Variants in CLU observed in about 807,000 individuals in gnomAD.
CLU encodes the protein clusterin.
Under a neutral mutation model 46.4 loss-of-function variants are expected in CLU, and 25 were observed. That is an observed-to-expected ratio of 0.54 (90% confidence interval 0.39 to 0.75). CLU has a LOEUF of 0.75. CLU is among the 30% of genes least tolerant of loss of function. CLU has a pLI of 0.00. For missense variants in CLU, 504 were observed against 592.1 expected (o/e 0.85, Z 1.54); for synonymous variants, 235 against 235.1 (o/e 1.00, Z 0.00).
rs1027958515 is a variant in CLU, at chr8:27,599,236, G to A, written c.1164+544C>T. 1.2e-5 allele frequency: 2 copies of A among 163,518 alleles called. No homozygotes were observed. Among genetic ancestry groups the A allele is most frequent in the Admixed American group, 1.2e-4 (2 of 17,230 alleles). 10.1% of individuals were successfully genotyped at this position (163,518 alleles called of 1,614,324 possible). A position where few individuals can be genotyped will look rare whatever the true frequency, so the allele number is the denominator to read the frequency against. On this transcript the variant is annotated intron_variant, in intron 7 of 8. Transcript: ENST00000316403. The surrounding 1 kb of genome is among the most constrained non-coding windows in gnomAD (Gnocchi z 4.0). ...CTGATTTTTGTATTTTTTGTAGAGA[G>A]GGAATCTTGCTGTGTTGCCCAGGCT...
rs763401806 is a variant in CLU at position 27,606,334 on chromosome 8, C to A, written c.417+20G>T. Reference sequence around the variant, plus strand: ...CCTTCCCCACTCAGAGCCTTGGCCACTCATGTGTCCCCTTTTCACCTGGCG... The same window carrying A: ...CCTTCCCCACTCAGAGCCTTGGCCAATCATGTGTCCCCTTTTCACCTGGCG... On this transcript the variant is annotated intron_variant, in intron 4 of 8. Transcript: ENST00000316403. 6.2e-7 allele frequency: 1 copy of A among 1,613,552 alleles called. No individual in the cohort carries two copies. Among genetic ancestry groups the A allele is most frequent in the Non-Finnish European group, 8.5e-7 (1 of 1,179,964 alleles).
In CLU at chr8:27,614,697, C is replaced by A. The variant is rs1471845484; in HGVS notation, c.-72G>T. 1.9e-6 allele frequency: 1 copy of A among 533,412 alleles called. No individual in the cohort carries two copies. Among genetic ancestry groups the A allele is most frequent in the South Asian group, 1.4e-5 (1 of 71,486 alleles). 33.0% of individuals were successfully genotyped at this position (533,412 alleles called of 1,614,324 possible). A position where few individuals can be genotyped will look rare whatever the true frequency, so the allele number is the denominator to read the frequency against. On this transcript the variant is annotated 5_prime_UTR_variant, in exon 1 of 9. Coordinates refer to ENST00000316403, the MANE Select transcript of CLU (RefSeq NM_001831.4). ...TGCCCGCGCGCTCCTCCTGGCGACG[C>A]CGCGTTGTGGGCACTGGGAGGCGCC...
chr8:27,608,640 T>C (rs1532276), intron 3 of CLU: 328,004 of 542,026 alleles, frequency 0.61, 100,632 homozygotes, highest in East Asian at 0.75. Flanking sequence ...CGCCACCCCA[T>C]CCAGAGCCTG....
intron 1 of CLU, among the ~76,000 whole-genome samples, chr8:27,613,304 T>G (rs1006575900): frequency 6.6e-6 from 1 of 151,596 alleles, no homozygotes; most frequent in Non-Finnish European, 1.5e-5. Flanking sequence ...GAGAACTGCT[T>G]GAACCCGGAT....
At chr8:27,601,456 T>G (rs1230591417) in intron 6 of CLU, among the ~76,000 whole-genome samples, 4 of 152,252 alleles carry the variant, frequency 2.6e-5, no homozygotes, top group Non-Finnish European at 5.9e-5. Context: ...CCTGCCCACC[T>G]GCCCGCCCAT....
chr8:27,605,401 C>G, intron 4 of CLU, 66 bp from the exon 5 acceptor site: 1 of 1,565,740 alleles, frequency 6.4e-7, no homozygotes, highest in South Asian at 1.1e-5. Flanking sequence ...TGGCCTCCCA[C>G]CCCCTGGTGA....
intron 5 of CLU, 143 bp downstream of exon 5, chr8:27,604,781 G>A: frequency 9.5e-7 from 1 of 1,053,880 alleles, no homozygotes; most frequent in Admixed American, 2.0e-5. Flanking sequence ...GCCCAGCTCA[G>A]TTTTTTTCCT....
intron 1 of CLU, chr8:27,611,813 G>A: frequency 1.1e-5 from 5 of 453,866 alleles, no homozygotes; most frequent in South Asian, 7.8e-5. Flanking sequence ...GGGGTAGGGG[G>A]CGGAGACCGG....
chr8:27,602,517 C>T (rs1800739250), intron 6 of CLU, among the ~76,000 whole-genome samples: 2 of 151,510 alleles, frequency 1.3e-5, no homozygotes, highest in South Asian at 2.1e-4. Flanking sequence ...AGGAGGATGA[C>T]TTCAGCCCAA....
chr8:27,604,839 C>T (rs1800786117), intron 5 of CLU, 85 bp downstream of exon 5: 15 of 1,469,374 alleles, frequency 1.0e-5, no homozygotes, highest in Admixed American at 1.7e-5. Context: ...GGAGAAAAAT[C>T]GAGATGACAC....
chr8:27,597,648 A>G lies in CLU; in HGVS notation c.*593T>C, dbSNP rs960113729. The G allele has an allele frequency of 2.2e-6, 1 of 454,158 alleles. No homozygotes were observed. Among genetic ancestry groups the G allele is most frequent in the Non-Finnish European group, 4.4e-6 (1 of 226,816 alleles). The allele number at this position is 454,158 out of a possible 1,614,324, so 28.1% of individuals were successfully genotyped here. A position where few individuals can be genotyped will look rare whatever the true frequency, so the allele number is the denominator to read the frequency against. On this transcript the variant is annotated 3_prime_UTR_variant, in exon 9 of 9. Transcript: ENST00000316403. ...CTTACACTTACTGATTCTTCTCCTT[A>G]ACTTTCAGTGTATTCCTTTAGGAGA...
At chr8:27,610,422 C>T (rs1220708994) in intron 2 of CLU, 53 bp downstream of exon 2, 7 of 1,430,082 alleles carry the variant, frequency 4.9e-6, no homozygotes, top group African/African-American at 1.4e-5. Flanking sequence ...GCTACCCTGC[C>T]CTCTGACCTC....
intron 8 of CLU, 75 bp downstream of exon 8, chr8:27,598,385 A>T (rs1212113103): frequency 6.2e-7 from 1 of 1,603,454 alleles, no homozygotes; most frequent in Non-Finnish European, 8.5e-7. Flanking sequence ...TAGAGTCTGC[A>T]CTTTGTTTGT....
intron 3 of CLU, among the ~76,000 whole-genome samples, chr8:27,607,058 C>T (rs2128909488): frequency 6.6e-6 from 1 of 152,300 alleles, no homozygotes; most frequent in South Asian, 2.1e-4. Context: ...CTGTCTCAGG[C>T]CAGGTGCGGC....
At chr8:27,609,829 G>GAT (rs1800889639) in intron 2 of CLU, among the ~76,000 whole-genome samples, 1 of 152,166 alleles carries the variant, frequency 6.6e-6, no homozygotes, top group Non-Finnish European at 1.5e-5. Flanking sequence ...CTGGAAATTT[G>GAT]CTAAGAAAGT....
Position 27,599,644 on chromosome 8 carries a change from C to T in CLU, c.1164+136G>A. ...TATTTTCCCTGAGTGGGTGATGAGG[C>T]TTCAAGGCAACAGGGGCGCCTAAAG... On this transcript the variant is annotated intron_variant, in intron 7 of 8. Coordinates refer to ENST00000316403, the MANE Select transcript of CLU (RefSeq NM_001831.4). This position sits in a 1 kb window ranked among gnomAD's most constrained non-coding sequence, Gnocchi z 4.0. 1 of 701,150 alleles carries T rather than the reference C, an allele frequency of 1.4e-6. No individual in the cohort carries two copies. The highest frequency in any genetic ancestry group is 1.6e-5 in the South Asian group (1 of 62,938). The allele number at this position is 701,150 out of a possible 1,614,324, so 43.4% of individuals were successfully genotyped here. A position where few individuals can be genotyped will look rare whatever the true frequency, so the allele number is the denominator to read the frequency against.
At chr8:27,611,498 G>A in intron 1 of CLU, 1 of 457,286 alleles carries the variant, frequency 2.2e-6, no homozygotes, top group Non-Finnish European at 4.4e-6. Context: ...CTTACACAAT[G>A]GACCCTTTCC....
At chr8:27,601,800 A>G (rs114289706) in intron 6 of CLU, among the ~76,000 whole-genome samples, 2,745 of 152,340 alleles carry the variant, frequency 0.018, 89 homozygotes, top group African/African-American at 0.063. Context: ...TACCAAAAAA[A>G]AATTTAAAAA....
In CLU at chr8:27,597,277, A is replaced by G; in HGVS notation, c.*964T>C. On this transcript the variant is annotated 3_prime_UTR_variant, in exon 9 of 9. Coordinates refer to ENST00000316403, the MANE Select transcript of CLU (RefSeq NM_001831.4). ...TTCTATCAGAGAATGTTAATGAACG[A>G]AAAGCCTGAGCTTTAAGACTGAGAT... 2.2e-6 allele frequency: 1 copy of G among 454,512 alleles called. No homozygotes were observed. Among genetic ancestry groups the G allele is most frequent in the Non-Finnish European group, 4.4e-6 (1 of 226,792 alleles). The allele number at this position is 454,512 out of a possible 1,614,324, so 28.2% of individuals were successfully genotyped here.
Sources: gnomAD v4.1 joint callset for allele counts (sites outside exome capture counted in the v4.1 genomes callset) on GRCh38, gnomAD v4.1.1 for gene constraint, Gnocchi (gnomAD v3.1) non-coding constraint, MANE v1.5 for transcripts, NCBI Gene and HGNC (gene_info 2026-07-23, HGNC 2026-07-21) for gene names.